UNC5C: variants seen among roughly 807,000 people sequenced by gnomAD.
UNC5C encodes unc-5 netrin receptor C.
Under a neutral mutation model 99.8 loss-of-function variants are expected in UNC5C, and 47 were observed. That is an observed-to-expected ratio of 0.47 (90% confidence interval 0.37 to 0.60). The LOEUF is 0.60. Ranked by LOEUF, UNC5C falls within the 20% of genes least tolerant of loss-of-function variation. The pLI is 0.00. For missense variants in UNC5C, 1,062 were observed against 1,165.9 expected (o/e 0.91, Z 1.30); for synonymous variants, 487 against 452.2 (o/e 1.08, Z -0.98).
chr4:95,434,095 T>C (rs1420227800), intron 1 of UNC5C, among the ~76,000 whole-genome samples: 1 of 152,144 alleles, frequency 6.6e-6, no homozygotes, highest in African/African-American at 2.4e-5. Context: ...TTAATGTCTG[T>C]GTGCTTTGTT....
intron 1 of UNC5C, among the ~76,000 whole-genome samples, chr4:95,501,768 A>C (rs571170444): frequency 6.6e-6 from 1 of 152,120 alleles, no homozygotes; most frequent in Admixed American, 6.6e-5. Context: ...TTCAGGATTC[A>C]GTTTTGAGGG....
chr4:95,424,017 CTAAAT>C (rs896195662), intron 1 of UNC5C, among the ~76,000 whole-genome samples: 16 of 152,094 alleles, frequency 1.1e-4, no homozygotes, highest in South Asian at 4.1e-4. Flanking sequence ...TTTCCACAAA[CTAAAT>C]TAAATATTAT....
intron 2 of UNC5C, among the ~76,000 whole-genome samples, chr4:95,313,208 G>A (rs1742334938): frequency 1.3e-5 from 2 of 152,138 alleles, no homozygotes; most frequent in African/African-American, 2.4e-5. Flanking sequence ...CATTCATTGA[G>A]TAAAGGAATA....
chr4:95,490,869 G>T (rs1578192411), intron 1 of UNC5C, among the ~76,000 whole-genome samples: 1 of 151,716 alleles, frequency 6.6e-6, no homozygotes, highest in East Asian at 1.9e-4. Flanking sequence ...AGCCAGGCAG[G>T]TCTCGTTTCA....
chr4:95,371,908 A>G (rs749293671), intron 1 of UNC5C, among the ~76,000 whole-genome samples: 17 of 152,114 alleles, frequency 1.1e-4, no homozygotes, highest in Non-Finnish European at 2.5e-4. Flanking sequence ...CATGTTCTGC[A>G]TTTCTTAGTA....
At chr4:95,297,378 G>A (rs1008903552) in intron 3 of UNC5C, among the ~76,000 whole-genome samples, 17 of 152,200 alleles carry the variant, frequency 1.1e-4, no homozygotes, top group African/African-American at 7.2e-5. Context: ...AGAGAGGAAA[G>A]ATTAATGTCG....
chr4:95,288,841 C>A (rs1182489558), intron 3 of UNC5C, among the ~76,000 whole-genome samples: 1 of 152,216 alleles, frequency 6.6e-6, no homozygotes, highest in African/African-American at 2.4e-5. Flanking sequence ...CCCACCTGGG[C>A]AATGTCAGAA....
intron 3 of UNC5C, among the ~76,000 whole-genome samples, chr4:95,300,316 T>A (rs1164183342): frequency 2.6e-5 from 4 of 152,236 alleles, no homozygotes; most frequent in Non-Finnish European, 5.9e-5. Flanking sequence ...TATTAAATCA[T>A]CTGAGAAGTT....
chr4:95,203,574 A>G lies in UNC5C; in HGVS notation c.1903-610T>C, dbSNP rs140362862. On this transcript the variant is annotated intron_variant, in intron 11 of 15. Transcript: ENST00000453304. ...AACCTCCGTCCCCTAGGCCCAAGTG[A>G]TCCCCCAACCTCAGCCTCCCAAGTA... 4.4e-3 allele frequency among the ~76,000 whole-genome samples: 676 copies of G among 152,176 alleles called. 3 individuals are homozygous for G. The highest frequency in any genetic ancestry group is 0.031 in the Middle Eastern group (9 of 294).
chr4:95,428,756 C>G (rs1365560621), intron 1 of UNC5C, among the ~76,000 whole-genome samples: 1 of 152,144 alleles, frequency 6.6e-6, no homozygotes, highest in African/African-American at 2.4e-5. Context: ...AAGAACTGAG[C>G]AGACTACTTT....
At chr4:95,476,797 T>C (rs1358595732) in intron 1 of UNC5C, among the ~76,000 whole-genome samples, 1 of 152,062 alleles carries the variant, frequency 6.6e-6, no homozygotes, top group Admixed American at 6.6e-5. Flanking sequence ...ATTAGGTGTA[T>C]ACTATTCTTA....
At chr4:95,276,057 A>C (rs1188095365) in intron 4 of UNC5C, among the ~76,000 whole-genome samples, 1 of 152,230 alleles carries the variant, frequency 6.6e-6, no homozygotes, top group Non-Finnish European at 1.5e-5. Flanking sequence ...CATTTATATT[A>C]GAAGGAAAAT....
At chr4:95,291,082 A>T (rs1741426046) in intron 3 of UNC5C, among the ~76,000 whole-genome samples, 1 of 152,158 alleles carries the variant, frequency 6.6e-6, no homozygotes, top group Non-Finnish European at 1.5e-5. Flanking sequence ...TTGTATTCAG[A>T]TAGTCTTGTT....
intron 4 of UNC5C, among the ~76,000 whole-genome samples, chr4:95,269,444 G>T (rs762014178): frequency 6.6e-6 from 1 of 152,022 alleles, no homozygotes; most frequent in East Asian, 1.9e-4. Context: ...GCCATGCCTG[G>T]CTAATTTTTA....
intron 1 of UNC5C, among the ~76,000 whole-genome samples, chr4:95,402,934 G>A (rs1371052741): frequency 6.6e-6 from 1 of 152,130 alleles, no homozygotes; most frequent in Non-Finnish European, 1.5e-5. Flanking sequence ...TGAATTTTCA[G>A]TGATTCACTT....
At chr4:95,298,958 G>A (rs1199078958) in intron 3 of UNC5C, among the ~76,000 whole-genome samples, 1 of 152,152 alleles carries the variant, frequency 6.6e-6, no homozygotes, top group Non-Finnish European at 1.5e-5. Flanking sequence ...TTAATCTAGT[G>A]TGATTACAAT....
chr4:95,301,619 A>G lies in UNC5C; in HGVS notation c.477T>C (p.Tyr159=), dbSNP rs763147624. The G allele has an allele frequency of 1.9e-6, 3 of 1,614,096 alleles. No homozygotes were observed. Among genetic ancestry groups the G allele is most frequent in the South Asian group, 1.1e-5 (1 of 91,082 alleles). Reference sequence around the variant, plus strand: ...ACAATGACTCACATGCAATGCGCACATACGCCTTCCGGCTCTTTGTGGTAC... The same window carrying G: ...ACAATGACTCACATGCAATGCGCACGTACGCCTTCCGGCTCTTTGTGGTAC... The part of the protein sequence containing the change: ...SAGTTKSRKA[Y]VRIAYLRKTF... Residue 159 remains tyrosine, a synonymous_variant, in exon 3 of 16, where the codon TAT becomes TAC. Coordinates refer to ENST00000453304, the MANE Select transcript of UNC5C (RefSeq NM_003728.4).
intron 1 of UNC5C, among the ~76,000 whole-genome samples, chr4:95,405,275 GC>G (rs1745803800): frequency 6.6e-6 from 1 of 152,088 alleles, no homozygotes; most frequent in Non-Finnish European, 1.5e-5. Flanking sequence ...CAAAGTACTC[GC>G]CCCGGCCTCT....
rs75543527 is a variant in UNC5C, at chr4:95,514,125, C to T, written c.124+34609G>A. 5.4e-3 allele frequency among the ~76,000 whole-genome samples: 824 copies of T among 152,184 alleles called. 10 individuals are homozygous for T. The highest frequency in any genetic ancestry group is 0.019 in the African/African-American group (781 of 41,534). On this transcript the variant is annotated intron_variant, in intron 1 of 15. Transcript: ENST00000453304. ...AGTAACATTTTCCTCATTTTTCCATCGTCTCATTCCACAGAACATGTTCAT... is the reference window on the plus strand; with the variant it reads ...AGTAACATTTTCCTCATTTTTCCATTGTCTCATTCCACAGAACATGTTCAT...
Sources: gnomAD v4.1 joint callset for allele counts (sites outside exome capture counted in the v4.1 genomes callset) on GRCh38, gnomAD v4.1.1 for gene constraint, MANE v1.5 for transcripts, NCBI Gene and HGNC (gene_info 2026-07-23, HGNC 2026-07-21) for gene names.